DZIP3: variants seen among roughly 807,000 people sequenced by gnomAD.
The protein encoded by DZIP3 is DAZ interacting zinc finger protein 3, also known as E3 ubiquitin-protein ligase DZIP3.
In DZIP3, 118 loss-of-function variants were observed where a neutral mutation model predicts 162.0. The observed-to-expected ratio is 0.73, with a 90% CI of 0.63 to 0.85. The LOEUF (loss-of-function observed/expected upper bound fraction) is 0.85. Among genes scored for constraint, DZIP3 ranks in the 40% least tolerant of loss-of-function variants. The pLI is 0.00. For missense variants in DZIP3, 1,331 were observed against 1,407.0 expected (o/e 0.95, Z 0.86); for synonymous variants, 438 against 458.6 (o/e 0.96, Z 0.57).
At chr3:108,610,019 T>C (rs1263696129) in intron 3 of DZIP3, among the ~76,000 whole-genome samples, 1 of 152,236 alleles carries the variant, frequency 6.6e-6, no homozygotes, top group Non-Finnish European at 1.5e-5. Flanking sequence ...TTTTTCTAGT[T>C]ACTTTGTAGA....
chr3:108,622,890 G>GTA (rs1941430226), intron 5 of DZIP3, among the ~76,000 whole-genome samples: 4 of 115,824 alleles, frequency 3.5e-5, no homozygotes, highest in Admixed American at 9.8e-5. Context: ...CTGTGTGTGT[G>GTA]TGTGTGTATG....
At chr3:108,615,682 G>T (rs1437985472) in intron 4 of DZIP3, among the ~76,000 whole-genome samples, 1 of 152,160 alleles carries the variant, frequency 6.6e-6, no homozygotes, top group African/African-American at 2.4e-5. Flanking sequence ...AAACATTGGG[G>T]AATGGACACA....
chr3:108,591,639 G>C (rs1939425943), intron 1 of DZIP3, among the ~76,000 whole-genome samples: 1 of 152,158 alleles, frequency 6.6e-6, no homozygotes, highest in Non-Finnish European at 1.5e-5. Context: ...TTTTTAATCA[G>C]AGATACTTGC....
chr3:108,675,884 A>T lies in DZIP3; in HGVS notation c.2781+11A>T. 1 of 1,605,120 alleles carries T rather than the reference A, an allele frequency of 6.2e-7. No homozygotes were observed. The highest frequency in any genetic ancestry group is 1.1e-5 in the South Asian group (1 of 89,630). On this transcript the variant is annotated intron_variant, in intron 25 of 32. Transcript: ENST00000361582. Reference sequence around the variant, plus strand: ...ATTGCATTCCTCAGGGTAAGTCCTGAAGTATATTTGGAGAAAATTGGCTTA... The same window carrying T: ...ATTGCATTCCTCAGGGTAAGTCCTGTAGTATATTTGGAGAAAATTGGCTTA...
rs1346179796 is a variant in DZIP3, at chr3:108,654,248, T to A, written c.2137T>A (p.Ser713Thr). ...KDDASDVQED[S>T]AMEDKFYSLD... ...TGATGCAAGTGATGTTCAAGAGGAT[T>A]CTGCAATGGAAGACAAGTTCTATAG... Residue 713 changes from serine (S) to threonine (T), a missense_variant, in exon 19 of 33, where the codon TCT becomes ACT. Physicochemically the swap from Ser to Thr is moderately conservative, Grantham distance 58 (BLOSUM62 1). This residue lies in a region of DZIP3 where 1,278 missense variants were observed against 1,317.1 expected (regional missense o/e 0.97). Transcript: ENST00000361582. 2 of 1,613,738 alleles carry A rather than the reference T, an allele frequency of 1.2e-6. No individual in the cohort carries two copies. Among genetic ancestry groups the A allele is most frequent in the African/African-American group, 2.7e-5 (2 of 74,926 alleles).
At chr3:108,605,511 G>T (rs1940298295) in intron 2 of DZIP3, 73 bp downstream of exon 2, 2 of 1,487,696 alleles carry the variant, frequency 1.3e-6, no homozygotes, top group Non-Finnish European at 1.9e-6. Flanking sequence ...CACGGATGGT[G>T]GGGGTGCGGG....
intron 19 of DZIP3, among the ~76,000 whole-genome samples, chr3:108,654,925 G>A (rs940944372): frequency 3.3e-5 from 5 of 152,058 alleles, no homozygotes; most frequent in Non-Finnish European, 7.4e-5. Context: ...TAAATATAGT[G>A]GTATGTAATA....
intron 31 of DZIP3, among the ~76,000 whole-genome samples, chr3:108,689,207 C>T (rs1944603409): frequency 6.6e-6 from 1 of 152,156 alleles, no homozygotes; most frequent in African/African-American, 2.4e-5. Flanking sequence ...GGACAAATGT[C>T]GATTGACGTG....
In DZIP3 at chr3:108,688,785, C is replaced by T. The variant is rs1339398633; in HGVS notation, c.3415-38C>T. On this transcript the variant is annotated intron_variant, in intron 30 of 32. Transcript: ENST00000361582. ...GAACACATTTAGATTTGGGAGAAAA[C>T]AATGAGCTAAATTTAACATTTTCTG... is the stretch of plus-strand genomic sequence containing the variant. The T allele has an allele frequency of 3.1e-6, 5 of 1,613,788 alleles. No homozygotes were observed. In the South Asian group the frequency reaches 5.5e-5, roughly 18 times the overall value.
At chr3:108,616,400 G>A (rs1039294087) in intron 4 of DZIP3, 141 bp from the exon 5 acceptor site, 12 of 484,906 alleles carry the variant, frequency 2.5e-5, no homozygotes, top group Middle Eastern at 1.0e-3. Flanking sequence ...TATCTGGTTG[G>A]TATGGATTTT....
At chr3:108,608,280 C>T (rs1033075889) in intron 3 of DZIP3, 122 bp downstream of exon 3, 2 of 682,504 alleles carry the variant, frequency 2.9e-6, no homozygotes, top group Admixed American at 5.3e-5. Flanking sequence ...AGCCTACTTT[C>T]CTACCTTCAT....
At chr3:108,621,051 G>C (rs930658289) in intron 5 of DZIP3, among the ~76,000 whole-genome samples, 7 of 152,140 alleles carry the variant, frequency 4.6e-5, no homozygotes, top group Non-Finnish European at 7.3e-5. Context: ...TCGATGTCCT[G>C]ACCTTGTAAT....
upstream of DZIP3, chr3:108,589,566 C>A (rs2107388188): frequency 2.0e-6 from 1 of 488,270 alleles, no homozygotes; most frequent in Admixed American, 3.8e-5. Flanking sequence ...GGCCAGGGGT[C>A]GAGGTGATTT....
intron 13 of DZIP3, 74 bp from the exon 14 acceptor site, chr3:108,644,090 G>C (rs543001520): frequency 6.7e-7 from 1 of 1,494,922 alleles, no homozygotes; most frequent in African/African-American, 1.4e-5. Flanking sequence ...AGGAGCTTAG[G>C]ATACAATGTG....
intron 32 of DZIP3, among the ~76,000 whole-genome samples, chr3:108,691,823 A>G (rs1236662021): frequency 6.6e-6 from 1 of 152,162 alleles, no homozygotes. Context: ...CTGCATAAGT[A>G]TTATCACAAA....
At chr3:108,640,028 G>GCT (rs1331279499) in intron 12 of DZIP3, among the ~76,000 whole-genome samples, 1 of 151,854 alleles carries the variant, frequency 6.6e-6, no homozygotes, top group African/African-American at 2.4e-5. Flanking sequence ...TTAACCATGG[G>GCT]CTCTTTAGGA....
intron 19 of DZIP3, among the ~76,000 whole-genome samples, chr3:108,661,137 A>G (rs970068607): frequency 1.4e-4 from 21 of 152,320 alleles, no homozygotes; most frequent in African/African-American, 4.1e-4. Context: ...ATTACTGGGT[A>G]TATACCCAAA....
Position 108,616,572 on chromosome 3 carries a change from A to T in DZIP3, c.290A>T (p.Glu97Val). 1 of 1,610,600 alleles carries T rather than the reference A, an allele frequency of 6.2e-7. No individual in the cohort carries two copies. Among genetic ancestry groups the T allele is most frequent in the Non-Finnish European group, 8.5e-7 (1 of 1,178,556 alleles). ...GTTGCAGCTAACAGCCAGAATGGTG[A>T]GGAAATTGTTCCTGCTTTGACTTTA... The part of the protein sequence containing the change: ...REVAANSQNG[E>V]EIVPALTLRF... The change falls in exon 5 of 33, where the codon GAG (glutamate) becomes GTG (valine). Residue 97 changes from glutamate (E) to valine (V), a missense_variant. Physicochemically the swap from Glu to Val is moderately radical, Grantham distance 121. Coordinates refer to ENST00000361582, the MANE Select transcript of DZIP3 (RefSeq NM_014648.4).
intron 1 of DZIP3, among the ~76,000 whole-genome samples, chr3:108,594,155 T>C (rs1271143209): frequency 6.6e-6 from 1 of 152,174 alleles, no homozygotes; most frequent in Non-Finnish European, 1.5e-5. Flanking sequence ...TAATGTTATC[T>C]ATATTTTTTT....
Sources: allele counts gnomAD v4.1 joint callset (sites outside exome capture counted in the v4.1 genomes callset), GRCh38; gene constraint gnomAD v4.1.1; regional missense constraint gnomAD v4.1.1; transcripts MANE v1.5; gene names NCBI Gene and HGNC (gene_info 2026-07-23, HGNC 2026-07-21).